Variants in RAPGEF5 observed in about 807,000 individuals in gnomAD.
RAPGEF5 encodes M-Ras-regulated GEF.
In RAPGEF5, 65 loss-of-function variants were observed where a neutral mutation model predicts 125.2. The ratio of observed to expected loss-of-function variants is 0.52; its 90% confidence interval spans 0.43 to 0.64. RAPGEF5 has a LOEUF of 0.64. RAPGEF5 is among the 30% of genes least tolerant of loss of function. RAPGEF5 has a pLI of 0.00. For synonymous variants in RAPGEF5, 391 were observed against 385.9 expected (o/e 1.01, Z -0.16); for missense variants, 958 against 1,048.1 (o/e 0.91, Z 1.19).
chr7:22,218,911 T>C (rs180873436), intron 9 of RAPGEF5, among the ~76,000 whole-genome samples: 1 of 152,336 alleles, frequency 6.6e-6, no homozygotes, highest in Admixed American at 6.5e-5. Context: ...AGAAGTGCTA[T>C]GTTATTAAAC....
intron 3 of RAPGEF5, among the ~76,000 whole-genome samples, chr7:22,310,642 A>G (rs1466191415): frequency 6.9e-6 from 1 of 145,216 alleles, no homozygotes; most frequent in Admixed American, 7.1e-5. Flanking sequence ...CAAAATTGGG[A>G]CCACAGTCAG....
chr7:22,316,490 T>TATATATATATATA (rs1473544300), intron 2 of RAPGEF5, among the ~76,000 whole-genome samples: 1 of 17,976 alleles, frequency 5.6e-5, no homozygotes, highest in African/African-American at 2.4e-4. Context: ...TATATATATA[T>TATATATATATATA]TTTTTTTTTT....
At chr7:22,224,066 T>C (rs1785855252) in intron 8 of RAPGEF5, among the ~76,000 whole-genome samples, 1 of 152,176 alleles carries the variant, frequency 6.6e-6, no homozygotes, top group African/African-American at 2.4e-5. Flanking sequence ...AGGCTGTGGT[T>C]TGTCAACTCA....
chr7:22,225,267 T>C (rs1241267262), intron 8 of RAPGEF5, among the ~76,000 whole-genome samples: 1 of 152,240 alleles, frequency 6.6e-6, no homozygotes, highest in Non-Finnish European at 1.5e-5. Context: ...ATATGTATTT[T>C]AAAGGCAAAA....
intron 4 of RAPGEF5, among the ~76,000 whole-genome samples, chr7:22,309,277 A>T (rs10499551): frequency 1.3e-5 from 2 of 152,178 alleles, no homozygotes; most frequent in Non-Finnish European, 2.9e-5. Context: ...CTATCTAAGA[A>T]GATTACACCC....
chr7:22,276,540 G>C (rs1260785433), intron 6 of RAPGEF5, among the ~76,000 whole-genome samples: 2 of 152,168 alleles, frequency 1.3e-5, no homozygotes, highest in African/African-American at 4.8e-5. Flanking sequence ...GAACCTTGTA[G>C]GGATGTTACA....
chr7:22,340,179 A>T (rs1207586943), intron 1 of RAPGEF5, among the ~76,000 whole-genome samples: 1 of 152,186 alleles, frequency 6.6e-6, no homozygotes, highest in Non-Finnish European at 1.5e-5. Flanking sequence ...GCCAGGATGA[A>T]GAAACAGGAG....
intron 1 of RAPGEF5, among the ~76,000 whole-genome samples, chr7:22,336,870 T>C (rs1784036244): frequency 6.6e-6 from 1 of 152,142 alleles, no homozygotes; most frequent in South Asian, 2.1e-4. Flanking sequence ...AGGACCCCCA[T>C]CTTTAGCTGA....
intron 18 of RAPGEF5, among the ~76,000 whole-genome samples, chr7:22,148,985 G>A (rs1249764510): frequency 1.3e-5 from 2 of 152,222 alleles, no homozygotes; most frequent in Non-Finnish European, 2.9e-5. Context: ...ACTGTGGCCT[G>A]CTGAAGGACA....
Position 22,315,448 on chromosome 7 carries a change from C to G in RAPGEF5, c.311G>C (p.Gly104Ala), listed in dbSNP as rs1241400199. The part of the protein sequence containing the change: ...QIYGENSSCA[G>A]RALRNIIIVQ... ...GATAATAATATTCCTCAATGCTCTT[C>G]CTGCACAAGAAGAATTCTCTCCATA... Residue 104 changes from glycine (G) to alanine (A), a missense_variant, in exon 3 of 26, where the codon GGA becomes GCA. By Grantham distance (60) the Gly-to-Ala change is moderately conservative. Coordinates refer to ENST00000665637, the MANE Select transcript of RAPGEF5 (RefSeq NM_012294.5). 6 of 1,514,066 alleles carry G rather than the reference C, an allele frequency of 4.0e-6. No homozygotes were observed. Among genetic ancestry groups the G allele is most frequent in the Non-Finnish European group, 5.3e-6 (6 of 1,132,752 alleles). The allele number at this position is 1,514,066 out of a possible 1,614,324, so 93.8% of individuals were successfully genotyped here.
intron 6 of RAPGEF5, among the ~76,000 whole-genome samples, chr7:22,273,773 G>A (rs1782496755): frequency 6.6e-6 from 1 of 152,116 alleles, no homozygotes; most frequent in Non-Finnish European, 1.5e-5. Context: ...TGAGTTAATG[G>A]GAGTTGGATT....
intron 6 of RAPGEF5, among the ~76,000 whole-genome samples, chr7:22,268,294 C>T (rs1782332328): frequency 6.6e-6 from 1 of 152,136 alleles, no homozygotes; most frequent in South Asian, 2.1e-4. Context: ...CCTCTCCAAC[C>T]TTAGGAGTTT....
intron 11 of RAPGEF5, among the ~76,000 whole-genome samples, chr7:22,185,917 C>G (rs896715401): frequency 6.6e-6 from 1 of 151,648 alleles, no homozygotes; most frequent in African/African-American, 2.4e-5. Flanking sequence ...TGCAGTGGTG[C>G]GATCTCAGCT....
intron 7 of RAPGEF5, among the ~76,000 whole-genome samples, chr7:22,233,373 T>A (rs1786108255): frequency 6.6e-6 from 1 of 152,194 alleles, no homozygotes; most frequent in African/African-American, 2.4e-5. Context: ...CTAATTTCAA[T>A]GAAAATGAAG....
At chr7:22,183,441 T>G (rs1784737307) in intron 11 of RAPGEF5, among the ~76,000 whole-genome samples, 1 of 152,122 alleles carries the variant, frequency 6.6e-6, no homozygotes. Flanking sequence ...TCTAGAAAAT[T>G]AGAAATTTAC....
At chr7:22,146,747 G>A in intron 19 of RAPGEF5, 150 bp downstream of exon 19, 1 of 1,001,588 alleles carries the variant, frequency 1.0e-6, no homozygotes, top group South Asian at 1.9e-5. Flanking sequence ...TTTTAGAATT[G>A]AGTCAGTCTT....
chr7:22,217,289 A>G (rs1785661654), intron 9 of RAPGEF5, among the ~76,000 whole-genome samples: 2 of 152,220 alleles, frequency 1.3e-5, no homozygotes, highest in Admixed American at 6.5e-5. Context: ...TACGTTAAGT[A>G]AACTGCAGTT....
intron 8 of RAPGEF5, among the ~76,000 whole-genome samples, chr7:22,221,572 T>G (rs138477468): frequency 1.3e-5 from 2 of 152,332 alleles, no homozygotes; most frequent in East Asian, 3.9e-4. Flanking sequence ...AGAGGTAATT[T>G]AATCATAGGG....
intron 10 of RAPGEF5, 48 bp from the exon 11 acceptor site, chr7:22,193,503 C>A (rs200461614): frequency 7.7e-6 from 12 of 1,556,958 alleles, no homozygotes; most frequent in African/African-American, 6.8e-5. Context: ...TGGAAGACTG[C>A]GAGCGGCTGC....
Sources: allele counts gnomAD v4.1 joint callset (sites outside exome capture counted in the v4.1 genomes callset), GRCh38; gene constraint gnomAD v4.1.1; transcripts MANE v1.5; gene names NCBI Gene and HGNC (gene_info 2026-07-23, HGNC 2026-07-21).